OTOG: variants seen among roughly 807,000 people sequenced by gnomAD.
OTOG encodes otogelin.
Under a neutral mutation model 313.8 loss-of-function variants are expected in OTOG, and 296 were observed. The observed-to-expected ratio is 0.94, with a 90% CI of 0.86 to 1.04. The LOEUF (loss-of-function observed/expected upper bound fraction) is 1.04. OTOG is among the 50% of genes least tolerant of loss of function. The pLI is 0.00. For synonymous variants in OTOG, 1,533 were observed against 1,554.9 expected, an observed-to-expected ratio of 0.99 and a Z score of 0.33; for missense variants, 3,948 against 3,840.1, an observed-to-expected ratio of 1.03 and a Z score of -0.74.
At chr11:17,597,425 C>A (rs1179364339) in intron 30 of OTOG, among the ~76,000 whole-genome samples, 3 of 152,178 alleles carry the variant, frequency 2.0e-5, no homozygotes, top group African/African-American at 7.2e-5. Context: ...CAGGAATAGA[C>A]CTGCCCCCAA....
chr11:17,611,779 C>T (rs1408126815), intron 36 of OTOG, among the ~76,000 whole-genome samples: 1 of 152,012 alleles, frequency 6.6e-6, no homozygotes, highest in African/African-American at 2.4e-5. Flanking sequence ...GTGTTTGAGA[C>T]ATCCTCATGT....
At chr11:17,563,351 C>A (rs1037199143) in intron 15 of OTOG, among the ~76,000 whole-genome samples, 5 of 152,248 alleles carry the variant, frequency 3.3e-5, no homozygotes, top group African/African-American at 1.2e-4. Flanking sequence ...CAGCCCCCAG[C>A]ACTGAGGGCC....
intron 23 of OTOG, among the ~76,000 whole-genome samples, chr11:17,582,066 G>A (rs983317086): frequency 2.0e-5 from 3 of 152,048 alleles, no homozygotes; most frequent in Non-Finnish European, 2.9e-5. Context: ...TATCTGCAAA[G>A]GTGTTATATA....
Position 17,634,264 on chromosome 11 carries a change from G to C in OTOG, c.7463G>C (p.Cys2488Ser). The C allele has an allele frequency of 1.3e-6, 2 of 1,550,402 alleles. No individual in the cohort carries two copies. The highest frequency in any genetic ancestry group is 1.7e-6 in the Non-Finnish European group (2 of 1,146,856). Residue 2488 changes from cysteine (C) to serine (S), a missense_variant, in exon 44 of 56, where the codon TGC becomes TCC. Coordinates refer to ENST00000399397, the MANE Select transcript of OTOG (RefSeq NM_001292063.2). ...CTCCTACCCACCAAGGACCCCTGCT[G>C]CCTGGGGACTGTCTGTGGTGAGTGT... is the stretch of plus-strand genomic sequence containing the variant. Reference protein sequence around the residue: ...ALLLPTKDPCCLGTVCVCNQT... With the variant: ...ALLLPTKDPCSLGTVCVCNQT...
chr11:17,610,879 A>G lies in OTOG; in HGVS notation c.5579A>G (p.His1860Arg). ...ACTCCAGCAGCAATGACCCAGGCGCACCCACCCACTCACATAGCACCCCCA... is the reference window on the plus strand; with the variant it reads ...ACTCCAGCAGCAATGACCCAGGCGCGCCCACCCACTCACATAGCACCCCCA... ...PFTPAAMTQA[H>R]PPTHIAPPAA... Residue 1860 changes from histidine to arginine, a missense_variant, in exon 36 of 56, where the codon CAC becomes CGC. Physicochemically the swap from His to Arg is conservative, Grantham distance 29. Transcript: ENST00000399397. The G allele has an allele frequency of 1.3e-6, 2 of 1,550,294 alleles. No individual in the cohort carries two copies. Among genetic ancestry groups the G allele is most frequent in the Non-Finnish European group, 1.7e-6 (2 of 1,146,928 alleles).
rs1384895766 is a variant in OTOG, at chr11:17,611,078, T to C, written c.5778T>C (p.Ser1926=). The C allele has an allele frequency of 6.4e-7, 1 of 1,550,602 alleles. No homozygotes were observed. The highest frequency in any genetic ancestry group is 1.2e-5 in the South Asian group (1 of 84,062). Residue 1926 remains serine (S), a synonymous_variant, in exon 36 of 56, where the codon TCT becomes TCC. Coordinates refer to ENST00000399397, the MANE Select transcript of OTOG (RefSeq NM_001292063.2). The part of the protein sequence containing the change: ...QVSLPTSMYG[S]AEGGPTELTP... ...CTCTGCCCACTTCCATGTATGGTTC[T>C]GCAGAGGGTGGGCCCACAGAGCTCA...
At position 17,559,440 on chromosome 11, in the gene OTOG, C is replaced by T. The variant is rs756745428; in HGVS notation, c.1214-94C>T. The T allele has an allele frequency of 6.0e-4, 892 of 1,480,884 alleles. 9 individuals carry two copies. Among genetic ancestry groups the T allele is most frequent in the Middle Eastern group, 3.9e-4 (2 of 5,144 alleles). 91.7% of individuals were successfully genotyped at this position (1,480,884 alleles called of 1,614,324 possible). Reference sequence around the variant, plus strand: ...AGGAAATCATGAAAATCAAAGCCCTCCCTCCCATCCTCACTCCACGGCCTG... The same window carrying T: ...AGGAAATCATGAAAATCAAAGCCCTTCCTCCCATCCTCACTCCACGGCCTG... On this transcript the variant is annotated intron_variant, in intron 11 of 55. Transcript: ENST00000399397.
chr11:17,548,161 C>T lies in OTOG; in HGVS notation c.165C>T (p.His55=), dbSNP rs542372341. Residue 55 remains histidine (H), a synonymous_variant, in exon 3 of 56, where the codon CAC becomes CAT. Coordinates refer to ENST00000399397, the MANE Select transcript of OTOG (RefSeq NM_001292063.2). ...CTCGTGTTTCCTCCAGCAGCAGCCA[C>T]CAGGAGGCGACCCTTGCCATGGGGG... The part of the protein sequence containing the change: ...PEPAGQPSSS[H]QEATLAMGDK... The T allele has an allele frequency of 1.3e-6, 2 of 1,547,290 alleles. No homozygotes were observed. The highest frequency in any genetic ancestry group is 2.7e-5 in the African/African-American group (2 of 73,086).
intron 39 of OTOG, among the ~76,000 whole-genome samples, chr11:17,616,787 A>G (rs1853731669): frequency 6.6e-6 from 1 of 152,230 alleles, no homozygotes; most frequent in Non-Finnish European, 1.5e-5. Flanking sequence ...TACATAGACA[A>G]TTATGTCTTC....
At position 17,572,214 on chromosome 11, in the gene OTOG, T is replaced by TG. The variant is rs748483174; in HGVS notation, c.2080+15dup. 1 of 1,550,078 alleles carries TG rather than the reference T, an allele frequency of 6.5e-7. No homozygotes were observed. Among genetic ancestry groups the TG allele is most frequent in the South Asian group, 1.2e-5 (1 of 83,990 alleles). On this transcript the variant is annotated intron_variant, in intron 18 of 55. Coordinates refer to ENST00000399397, the MANE Select transcript of OTOG (RefSeq NM_001292063.2). ...GTGCACCTGCAAGCCGGTGAGTTGGTGGGGGAAGAGGAGAGGCATGGTTGA... is the reference window on the plus strand; with the variant it reads ...GTGCACCTGCAAGCCGGTGAGTTGGTGGGGGGAAGAGGAGAGGCATGGTTGA...
In OTOG at chr11:17,634,853, A is replaced by C; in HGVS notation, c.7490A>C (p.Gln2497Pro). The C allele has an allele frequency of 6.5e-7, 1 of 1,549,362 alleles. No homozygotes were observed. The highest frequency in any genetic ancestry group is 2.4e-5 in the East Asian group (1 of 40,882). The part of the protein sequence containing the change: ...CCLGTVCVCN[Q>P]TLCEGLAPTC... ...TGGTCCCCGGGGCCAGTGTGTAACC[A>C]GACTCTGTGTGAGGGTCTCGCCCCC... Residue 2497 changes from glutamine (Q) to proline (P), a missense_variant, in exon 45 of 56, where the codon CAG becomes CCG. By Grantham distance (76) the Gln-to-Pro change is moderately conservative. Coordinates refer to ENST00000399397, the MANE Select transcript of OTOG (RefSeq NM_001292063.2).
At chr11:17,562,835 A>T (rs1405629004) in intron 15 of OTOG, among the ~76,000 whole-genome samples, 1 of 151,958 alleles carries the variant, frequency 6.6e-6, no homozygotes, top group African/African-American at 2.4e-5. Context: ...TTCTGCAAAC[A>T]TTGAATACCT....
In OTOG at chr11:17,578,510, T is replaced by C; in HGVS notation, c.2743T>C (p.Cys915Arg). Residue 915 changes from cysteine (C) to arginine (R), a missense_variant, in exon 23 of 56, where the codon TGC (cysteine) becomes CGC (arginine). Coordinates refer to ENST00000399397, the MANE Select transcript of OTOG (RefSeq NM_001292063.2). The stretch of plus-strand genomic sequence containing the variant: ...AGCCCGTGGCCCCTGCCTCTCGGGC[T>C]GCGCCTGTCCCCAGGGGTAAGTACC... The part of the protein sequence containing the change: ...VSARGPCLSG[C>R]ACPQGLLRHG... 1 of 1,536,844 alleles carries C rather than the reference T, an allele frequency of 6.5e-7. No homozygotes were observed. The highest frequency in any genetic ancestry group is 8.7e-7 in the Non-Finnish European group (1 of 1,146,094).
intron 27 of OTOG, 60 bp from the exon 28 acceptor site, chr11:17,593,987 C>G: frequency 6.5e-7 from 1 of 1,546,424 alleles, no homozygotes. Flanking sequence ...GGTGACCCCT[C>G]TGCCCGTGGC....
rs926666774 is a variant in OTOG, at chr11:17,638,481, A to T, written c.7826A>T (p.Gln2609Leu). 15 of 1,550,026 alleles carry T rather than the reference A, an allele frequency of 9.7e-6. No individual in the cohort carries two copies. The Admixed American group carries it at 2.2e-4, about 22-fold the overall frequency. ...GAGAACTTCCGCTGTCCCCAAGTGC[A>T]GTGTGGCCTGGGCACTGCCCTGGTG... is the stretch of plus-strand genomic sequence containing the variant. ...VCENFRCPQVQCGLGTALVEV... is the reference protein window; with the variant it reads ...VCENFRCPQVLCGLGTALVEV... The change falls in exon 48 of 56, where the codon CAG becomes CTG. Residue 2609 changes from glutamine (Q) to leucine (L), a missense_variant. By Grantham distance (113) the Gln-to-Leu change is moderately radical. Transcript: ENST00000399397.
In OTOG at chr11:17,576,639, C is replaced by G; in HGVS notation, c.2561+9C>G. On this transcript the variant is annotated intron_variant, in intron 21 of 55. Coordinates refer to ENST00000399397, the MANE Select transcript of OTOG (RefSeq NM_001292063.2). ...CCATCCCTGGGCCACTGGTGAGCTC[C>G]GTAGGTAGCAGCCTTCTTGTCCTCT... 1.3e-6 allele frequency: 2 copies of G among 1,545,352 alleles called. No homozygotes were observed. Among genetic ancestry groups the G allele is most frequent in the South Asian group, 1.2e-5 (1 of 83,972 alleles).
rs530850819 is a variant in OTOG, at chr11:17,558,314, A to G, written c.995A>G (p.Gln332Arg). Residue 332 changes from glutamine to arginine, a missense_variant and splice_region_variant, in exon 9 of 56, where the codon CAG becomes CGG. Gln to Arg is a conservative substitution (Grantham distance 43). Transcript: ENST00000399397. ...PCLQQNPGTM[Q>R]GVYEQCEALL... The stretch of plus-strand genomic sequence containing the variant: ...CTACAGCAGAACCCAGGAACCATGC[A>G]GGTCTGGAGCTTGGGGAGAAACTCC... 5 of 1,550,726 alleles carry G rather than the reference A, an allele frequency of 3.2e-6. No individual in the cohort carries two copies. Among genetic ancestry groups the G allele is most frequent in the Non-Finnish European group, 4.4e-6 (5 of 1,146,956 alleles).
At chr11:17,586,393 C>T in intron 23 of OTOG, 81 bp from the exon 24 acceptor site, 1 of 816,446 alleles carries the variant, frequency 1.2e-6, no homozygotes. Context: ...CTCCGAGCAT[C>T]CAGATTGAGG....
At chr11:17,618,281 CTA>C (rs375224060) in intron 39 of OTOG, among the ~76,000 whole-genome samples, 8 of 152,162 alleles carry the variant, frequency 5.3e-5, no homozygotes, top group African/African-American at 1.9e-4. Flanking sequence ...TTTTGATATG[CTA>C]TGTTTTCTTT....
Sources: gnomAD v4.1 joint callset for allele counts (sites outside exome capture counted in the v4.1 genomes callset) on GRCh38, gnomAD v4.1.1 for gene constraint, MANE v1.5 for transcripts, NCBI Gene and HGNC (gene_info 2026-07-23, HGNC 2026-07-21) for gene names.